The following FGD4 variants were observed in gnomAD, a reference collection of about 807,000 sequenced individuals.
FGD4 encodes FYVE, RhoGEF and PH domain-containing protein 4.
In FGD4, 42 loss-of-function variants were observed where a neutral mutation model predicts 102.0. The ratio of observed to expected loss-of-function variants is 0.41; its 90% CI spans 0.32 to 0.53. The LOEUF is 0.53. Ranked by LOEUF, FGD4 falls within the 20% of genes least tolerant of loss-of-function variation. The pLI is 0.21. For synonymous variants in FGD4, 380 were observed against 375.7 expected, an observed-to-expected ratio of 1.01 and a Z score of -0.13; for missense variants, 902 against 1,078.2, an observed-to-expected ratio of 0.84 and a Z score of 2.29.
chr12:32,642,088 T>A lies in FGD4; in HGVS notation c.*1555T>A, dbSNP rs957558990. ...TCAGGCCTTGTTACTTTAAGAAATA[T>A]CTTATTTTTTCCACCCCAAAGGAGC... On this transcript the variant is annotated 3_prime_UTR_variant, in exon 17 of 17. Transcript: ENST00000534526. 13 of 152,072 alleles carry A rather than the reference T, an allele frequency of 8.5e-5. No homozygotes were observed. Among genetic ancestry groups the A allele is most frequent in the African/African-American group, 3.1e-4 (13 of 41,426 alleles). The allele number at this position is 152,072 out of a possible 1,614,324, so 9.4% of individuals were successfully genotyped here.
intron 1 of FGD4, among the ~76,000 whole-genome samples, chr12:32,478,039 A>T (rs987973433): frequency 6.6e-6 from 1 of 152,212 alleles, no homozygotes; most frequent in African/African-American, 2.4e-5. Context: ...AGTTCTGTTT[A>T]GAAAAAAAAT....
At chr12:32,453,238 T>TA (rs796401311) in intron 1 of FGD4, among the ~76,000 whole-genome samples, 16,324 of 52,754 alleles carry the variant, frequency 0.31, 3,031 homozygotes, top group African/African-American at 0.56. Context: ...TATATATATA[T>TA]TTTTTTTTTT....
At chr12:32,407,604 T>C (rs1941001452) in intron 1 of FGD4, among the ~76,000 whole-genome samples, 1 of 152,350 alleles carries the variant, frequency 6.6e-6, no homozygotes, top group South Asian at 2.1e-4. Flanking sequence ...ATCTGGGCCC[T>C]CTGCACTTTC....
At chr12:32,562,567 C>A (rs150999580) in intron 1 of FGD4, among the ~76,000 whole-genome samples, 1 of 152,034 alleles carries the variant, frequency 6.6e-6, no homozygotes. Context: ...CGGCCTTCCG[C>A]AGTGTTTGTG....
chr12:32,457,392 C>T (rs765687820), intron 1 of FGD4, among the ~76,000 whole-genome samples: 38 of 152,134 alleles, frequency 2.5e-4, no homozygotes, highest in South Asian at 1.0e-3. Context: ...GATCTTAAGA[C>T]GAGGAACTGT....
intron 1 of FGD4, among the ~76,000 whole-genome samples, chr12:32,536,173 A>G (rs1667144804): frequency 6.6e-6 from 1 of 152,178 alleles, no homozygotes; most frequent in Admixed American, 6.5e-5. Flanking sequence ...ATGAAATATG[A>G]TAGAGTATGA....
At chr12:32,497,740 G>A (rs1047324823) in intron 1 of FGD4, among the ~76,000 whole-genome samples, 2 of 152,142 alleles carry the variant, frequency 1.3e-5, no homozygotes, top group Non-Finnish European at 2.9e-5. Flanking sequence ...ATTGTGTGCC[G>A]TTGTGCAGGT....
At chr12:32,486,184 G>A in intron 1 of FGD4, 1 of 1,514,594 alleles carries the variant, frequency 6.6e-7, no homozygotes, top group Non-Finnish European at 8.8e-7. Flanking sequence ...AAATATCTCA[G>A]GTTAAAACAT....
At chr12:32,416,380 T>A (rs1941412002) in intron 1 of FGD4, among the ~76,000 whole-genome samples, 1 of 152,174 alleles carries the variant, frequency 6.6e-6, no homozygotes, top group Non-Finnish European at 1.5e-5. Flanking sequence ...CTCCTACCAT[T>A]TTATTTGTCT....
chr12:32,600,521 C>G, intron 5 of FGD4: 8 of 1,132,510 alleles, frequency 7.1e-6, no homozygotes, highest in Non-Finnish European at 9.0e-6. Context: ...TATAGTAGCC[C>G]TAGTGAAGTA....
intron 1 of FGD4, among the ~76,000 whole-genome samples, chr12:32,505,410 T>G (rs1938616299): frequency 6.6e-6 from 1 of 152,234 alleles, no homozygotes; most frequent in African/African-American, 2.4e-5. Flanking sequence ...TGGTTTCATT[T>G]GGCAGGCTTT....
rs1380570031 is a variant in FGD4 at position 32,645,417 on chromosome 12, A to C, written c.*4884A>C. The stretch of plus-strand genomic sequence containing the variant: ...CAGCCCTTGGGAGGCCGAGGTGGGC[A>C]GATCACTTCAGGTCAGGAGTTTGAG... On this transcript the variant is annotated 3_prime_UTR_variant, in exon 17 of 17. Coordinates refer to ENST00000534526, the MANE Select transcript of FGD4 (RefSeq NM_001370298.3). 1 of 151,994 alleles carries C rather than the reference A, an allele frequency of 6.6e-6. No individual in the cohort carries two copies. Among genetic ancestry groups the C allele is most frequent in the Non-Finnish European group, 1.5e-5 (1 of 68,000 alleles). 9.4% of individuals were successfully genotyped at this position (151,994 alleles called of 1,614,324 possible).
chr12:32,458,611 A>G (rs1943013558), intron 1 of FGD4, among the ~76,000 whole-genome samples: 1 of 152,222 alleles, frequency 6.6e-6, no homozygotes, highest in Non-Finnish European at 1.5e-5. Context: ...TGCAAAGATC[A>G]TCGTTTGTTA....
intron 1 of FGD4, among the ~76,000 whole-genome samples, chr12:32,527,514 C>T (rs1322457395): frequency 6.6e-6 from 1 of 152,204 alleles, no homozygotes; most frequent in Non-Finnish European, 1.5e-5. Flanking sequence ...ACTGCAACCT[C>T]TGCCTCCTGG....
Position 32,645,823 on chromosome 12 carries a change from G to T in FGD4, c.*5290G>T, listed in dbSNP as rs1169227853. 6.6e-6 allele frequency: 1 copy of T among 152,188 alleles called. No individual in the cohort carries two copies. Among genetic ancestry groups the T allele is most frequent in the Non-Finnish European group, 1.5e-5 (1 of 68,032 alleles). 9.4% of individuals were successfully genotyped at this position (152,188 alleles called of 1,614,324 possible). On this transcript the variant is annotated 3_prime_UTR_variant, in exon 17 of 17. Coordinates refer to ENST00000534526, the MANE Select transcript of FGD4 (RefSeq NM_001370298.3). ...ATTCTTGACTGATAAGTTTGAGAAT[G>T]TATGTTTTTGGAATTTTACAGTTGA...
At chr12:32,601,466 G>A (rs769294635) in intron 6 of FGD4, 43 bp downstream of exon 6, 11 of 1,576,514 alleles carry the variant, frequency 7.0e-6, no homozygotes, top group Non-Finnish European at 9.5e-6. Flanking sequence ...AGGCAGTCAT[G>A]CTGTATTTTT....
chr12:32,484,882 C>A (rs530694387), intron 1 of FGD4, among the ~76,000 whole-genome samples: 19 of 152,096 alleles, frequency 1.2e-4, no homozygotes, highest in African/African-American at 3.1e-4. Flanking sequence ...AGAAAAAAAA[C>A]AAAATAAAAA....
chr12:32,449,184 T>C (rs1054762161), intron 1 of FGD4, among the ~76,000 whole-genome samples: 2 of 152,250 alleles, frequency 1.3e-5, no homozygotes, highest in African/African-American at 4.8e-5. Context: ...TCTGTATATT[T>C]AGTGCCTTTG....
intron 1 of FGD4, among the ~76,000 whole-genome samples, chr12:32,488,747 T>C (rs1289596236): frequency 6.6e-6 from 1 of 152,192 alleles, no homozygotes; most frequent in Non-Finnish European, 1.5e-5. Context: ...GAGACCAGCC[T>C]GGCCAACATG....
Sources: gnomAD v4.1 joint callset for allele counts (sites outside exome capture counted in the v4.1 genomes callset) on GRCh38, gnomAD v4.1.1 for gene constraint, MANE v1.5 for transcripts, NCBI Gene and HGNC (gene_info 2026-07-23, HGNC 2026-07-21) for gene names.